FTO: variants seen among roughly 807,000 people sequenced by gnomAD.
FTO encodes alpha-ketoglutarate-dependent dioxygenase FTO.
A neutral mutation model predicts 63.9 loss-of-function variants in FTO; 47 were observed. That is an observed-to-expected ratio of 0.74 (90% CI 0.58 to 0.94). The LOEUF is 0.94. Among genes scored for constraint, FTO ranks in the 40% least tolerant of loss-of-function variants. The pLI, the probability that FTO is intolerant of heterozygous loss-of-function variation, is 0.00. For synonymous variants in FTO, 207 were observed against 224.4 expected (o/e 0.92, Z 0.69); for missense variants, 562 against 618.1 (o/e 0.91, Z 0.96).
chr16:54,023,859 C>A (rs17825567), intron 8 of FTO, among the ~76,000 whole-genome samples: 15,795 of 152,158 alleles, frequency 0.1, 1,101 homozygotes, highest in Non-Finnish European at 0.15. Context: ...CAGCCATTGA[C>A]CATAGGAATG....
chr16:53,840,018 T>A lies in FTO; in HGVS notation c.752-4137T>A, dbSNP rs554159507. Among the ~76,000 whole-genome samples the A allele has an allele frequency of 3.4e-4, 52 of 152,084 alleles. 1 individual carries two copies. The South Asian group carries it at 1.0e-2, about 29-fold the overall frequency. On this transcript the variant is annotated intron_variant, in intron 3 of 8. Coordinates refer to ENST00000471389, the MANE Select transcript of FTO (RefSeq NM_001080432.3). ...TGGGGTTTCACCATGTTGGCCAGGA[T>A]GGTCTCAATCTCCTGACCTCGTGAT...
At chr16:53,958,240 T>G (rs2082975912) in intron 8 of FTO, among the ~76,000 whole-genome samples, 1 of 152,196 alleles carries the variant, frequency 6.6e-6, no homozygotes, top group Non-Finnish European at 1.5e-5. Flanking sequence ...ACTAGCTAGA[T>G]AGCTGTTACT....
intron 8 of FTO, among the ~76,000 whole-genome samples, chr16:54,026,978 A>G (rs1330343017): frequency 7.2e-5 from 11 of 152,248 alleles, no homozygotes; most frequent in Admixed American, 5.9e-4. Context: ...TTTATCCCCA[A>G]GAGTAGAAAC....
In FTO at chr16:53,826,307, T is replaced by C. The variant is rs775080251; in HGVS notation, c.567T>C (p.Asp189=). The C allele has an allele frequency of 1.2e-6, 2 of 1,614,146 alleles. No individual in the cohort carries two copies. Among genetic ancestry groups the C allele is most frequent in the East Asian group, 2.2e-5 (1 of 44,874 alleles). ...TGGGTTCATCCTACAACGGACAAGA[T>C]GAAGTGGACATTAAGAGCAGAGCAG... ...VGMGSSYNGQ[D]EVDIKSRAAY... Residue 189 remains aspartate, a synonymous_variant, in exon 3 of 9, where the codon GAT becomes GAC. Coordinates refer to ENST00000471389, the MANE Select transcript of FTO (RefSeq NM_001080432.3).
chr16:54,050,025 T>A (rs1228086785), intron 8 of FTO, among the ~76,000 whole-genome samples: 1 of 152,204 alleles, frequency 6.6e-6, no homozygotes, highest in Non-Finnish European at 1.5e-5. Flanking sequence ...GACTTTTCTC[T>A]ACATTCAACT....
intron 8 of FTO, among the ~76,000 whole-genome samples, chr16:53,989,341 G>A (rs1296311637): frequency 1.3e-5 from 2 of 152,156 alleles, no homozygotes; most frequent in African/African-American, 2.4e-5. Flanking sequence ...ACCAGCAGAC[G>A]ACATAAAGCA....
intron 8 of FTO, among the ~76,000 whole-genome samples, chr16:54,055,731 T>C (rs1443468043): frequency 6.6e-6 from 1 of 152,110 alleles, no homozygotes; most frequent in Non-Finnish European, 1.5e-5. Flanking sequence ...ATTTTAAAAA[T>C]AAAAATTAAG....
chr16:53,858,454 T>C (rs914889836), intron 4 of FTO, among the ~76,000 whole-genome samples: 1 of 152,162 alleles, frequency 6.6e-6, no homozygotes. Flanking sequence ...TTTGTAAATC[T>C]TCCCCAAAAT....
intron 1 of FTO, among the ~76,000 whole-genome samples, chr16:53,775,554 C>T (rs560265755): frequency 6.6e-6 from 1 of 152,272 alleles, no homozygotes; most frequent in Non-Finnish European, 1.5e-5. Flanking sequence ...TCCTGTCCTT[C>T]TCAAAAGCTT....
At chr16:53,903,256 G>GTTT (rs10566001) in intron 7 of FTO, among the ~76,000 whole-genome samples, 3 of 142,662 alleles carry the variant, frequency 2.1e-5, no homozygotes, top group Non-Finnish European at 4.6e-5. Context: ...GGATATTCTA[G>GTTT]TTTTTTTTTT....
intron 8 of FTO, among the ~76,000 whole-genome samples, chr16:54,095,713 G>T (rs2086501129): frequency 6.6e-6 from 1 of 152,094 alleles, no homozygotes. Context: ...GGAGGTAAGG[G>T]GATATTATAG....
At chr16:53,900,853 C>A (rs569147338) in intron 7 of FTO, among the ~76,000 whole-genome samples, 36 of 152,190 alleles carry the variant, frequency 2.4e-4, no homozygotes, top group African/African-American at 7.0e-4. Flanking sequence ...GACCTGCTCG[C>A]AAACTTGATT....
chr16:53,863,636 A>G (rs894440065), intron 4 of FTO, among the ~76,000 whole-genome samples: 2 of 152,216 alleles, frequency 1.3e-5, no homozygotes, highest in South Asian at 4.1e-4. Flanking sequence ...GTCTGTGAGT[A>G]TCACAGGTTA....
intron 8 of FTO, among the ~76,000 whole-genome samples, chr16:54,011,814 G>A (rs1437389768): frequency 6.6e-6 from 1 of 152,014 alleles, no homozygotes; most frequent in Non-Finnish European, 1.5e-5. Flanking sequence ...TAATTGTTTT[G>A]GGGCACAATG....
At chr16:53,909,103 T>G (rs1598964797) in intron 7 of FTO, among the ~76,000 whole-genome samples, 1 of 152,212 alleles carries the variant, frequency 6.6e-6, no homozygotes, top group South Asian at 2.1e-4. Context: ...TGCCATTTCC[T>G]AATTGTTCCA....
chr16:53,983,634 G>A (rs1165564095), intron 8 of FTO, among the ~76,000 whole-genome samples: 1 of 151,970 alleles, frequency 6.6e-6, no homozygotes, highest in Non-Finnish European at 1.5e-5. Flanking sequence ...ATCAGATATG[G>A]TAAGCTCAGA....
At position 53,881,014 on chromosome 16, in the gene FTO, C is replaced by T. The variant is rs542351523; in HGVS notation, c.1119+1027C>T. On this transcript the variant is annotated intron_variant, in intron 6 of 8. Transcript: ENST00000471389. ...GCGGGTGCCTGTAGTACCAGTTACT[C>T]GGGAGGCTGAAGCAGGAGAATGGCA... Among the ~76,000 whole-genome samples the T allele has an allele frequency of 2.2e-4, 32 of 148,558 alleles. 1 individual carries two copies. In the East Asian group the frequency reaches 2.8e-3, roughly 13 times the overall value.
chr16:53,926,225 T>C (rs919985359), intron 7 of FTO, among the ~76,000 whole-genome samples: 3 of 152,194 alleles, frequency 2.0e-5, no homozygotes, highest in Admixed American at 2.0e-4. Flanking sequence ...ATACTCATTT[T>C]TCTTGATTCT....
chr16:53,908,624 A>G (rs1472152806), intron 7 of FTO, among the ~76,000 whole-genome samples: 1 of 152,184 alleles, frequency 6.6e-6, no homozygotes, highest in African/African-American at 2.4e-5. Flanking sequence ...AGTACCTGTC[A>G]TGGCCCGTGG....
Sources: allele counts gnomAD v4.1 joint callset (sites outside exome capture counted in the v4.1 genomes callset), GRCh38; gene constraint gnomAD v4.1.1; transcripts MANE v1.5; gene names NCBI Gene and HGNC (gene_info 2026-07-23, HGNC 2026-07-21).